COL3A1: variants seen among roughly 807,000 people sequenced by gnomAD.
The protein encoded by COL3A1 is collagen type III alpha 1 chain.
Under a neutral mutation model 200.9 loss-of-function variants are expected in COL3A1, and 46 were observed. The ratio of observed to expected loss-of-function variants is 0.23; its 90% CI spans 0.18 to 0.29. The LOEUF is 0.29. Among genes scored for constraint, COL3A1 ranks in the 10% least tolerant of loss-of-function variants. COL3A1 has a pLI of 1.00. For missense variants in COL3A1, 1,367 were observed against 1,917.6 expected (o/e 0.71, Z 5.36); for synonymous variants, 650 against 628.0 (o/e 1.03, Z -0.52).
chr2:189,007,492 T>C lies in COL3A1; in HGVS notation c.3256-8T>C, dbSNP rs2153503883. The C allele has an allele frequency of 6.2e-7, 1 of 1,609,164 alleles. No individual in the cohort carries two copies. Among genetic ancestry groups the C allele is most frequent in the Non-Finnish European group, 8.5e-7 (1 of 1,177,004 alleles). The stretch of plus-strand genomic sequence containing the variant: ...TATATGACTTCAATTCAAAATATGT[T>C]TCTAAAGGGTCCTCAAGGCCCACGT... On this transcript the variant is annotated splice_polypyrimidine_tract_variant and splice_region_variant and intron_variant, in intron 44 of 50. Coordinates refer to ENST00000304636, the MANE Select transcript of COL3A1 (RefSeq NM_000090.4).
At chr2:188,991,432 A>T (rs1045760046) in intron 11 of COL3A1, 55 bp from the exon 12 acceptor site, 5 of 1,161,326 alleles carry the variant, frequency 4.3e-6, no homozygotes, top group Admixed American at 4.1e-5. Flanking sequence ...ATTTAAAAAT[A>T]TATAATATTT....
At chr2:189,001,614 A>G in intron 34 of COL3A1, 25 bp downstream of exon 34, 1 of 1,607,620 alleles carries the variant, frequency 6.2e-7, no homozygotes, top group Non-Finnish European at 8.5e-7. Context: ...CATTCTCAAC[A>G]TACTTTTTAA....
Position 188,994,510 on chromosome 2 carries a change from G to A in COL3A1, c.1294-31G>A. ...ATGATTTGTTAGTCGAATCCTCCCT[G>A]TGTTTCAACCAAGACTTTGTTATAC... On this transcript the variant is annotated intron_variant, in intron 18 of 50. Transcript: ENST00000304636. The surrounding 1 kb of genome is among the most constrained non-coding windows in gnomAD (Gnocchi z 4.5). 1 of 1,612,578 alleles carries A rather than the reference G, an allele frequency of 6.2e-7. No individual in the cohort carries two copies. Among genetic ancestry groups the A allele is most frequent in the Non-Finnish European group, 8.5e-7 (1 of 1,178,658 alleles).
At chr2:188,992,328 TATATGC>T in intron 14 of COL3A1, 100 bp downstream of exon 14, 1 of 977,054 alleles carries the variant, frequency 1.0e-6, no homozygotes, top group East Asian at 2.6e-5. Context: ...TAGGTATATA[TATATGC>T]ATATGTATAT....
rs374452484 is a variant in COL3A1 at position 189,009,024 on chromosome 2, G to C, written c.3626G>C (p.Gly1209Ala). 1.3e-5 allele frequency: 21 copies of C among 1,614,060 alleles called. No homozygotes were observed. Among genetic ancestry groups the C allele is most frequent in the Non-Finnish European group, 1.7e-5 (20 of 1,180,042 alleles). Reference sequence around the variant, plus strand: ...GGAGCCGCTGCCATTGCTGGGATTGGAGGTGAAAAAGCTGGCGGTTTTGCC... The same window carrying C: ...GGAGCCGCTGCCATTGCTGGGATTGCAGGTGAAAAAGCTGGCGGTTTTGCC... ...GVGAAAIAGI[G>A]GEKAGGFAPY... is the part of the protein sequence containing the mutation. The change falls in exon 48 of 51, where the codon GGA (glycine) becomes GCA (alanine). Residue 1209 changes from glycine (G) to alanine (A), a missense_variant. Physicochemically the swap from Gly to Ala is moderately conservative, Grantham distance 60. Coordinates refer to ENST00000304636, the MANE Select transcript of COL3A1 (RefSeq NM_000090.4).
rs1310737234 is a variant in COL3A1, at chr2:188,994,910, C to A, written c.1455+79C>A. The stretch of plus-strand genomic sequence containing the variant: ...AAAACTACCTTCAGGGTGAGACAGC[C>A]AATTTTTCTTAAGTTGAGTGTTCAG... On this transcript the variant is annotated intron_variant, in intron 20 of 50. Transcript: ENST00000304636. The surrounding 1 kb of genome is among the most constrained non-coding windows in gnomAD (Gnocchi z 4.5). 1 of 1,565,528 alleles carries A rather than the reference C, an allele frequency of 6.4e-7. No individual in the cohort carries two copies. Among genetic ancestry groups the A allele is most frequent in the Non-Finnish European group, 8.8e-7 (1 of 1,136,820 alleles).
chr2:188,990,251 C>A, intron 9 of COL3A1, 56 bp from the exon 10 acceptor site: 2 of 1,578,688 alleles, frequency 1.3e-6, no homozygotes, highest in Admixed American at 3.4e-5. Context: ...TGTTTTACTA[C>A]TAGATTGTGA....
rs759991994 is a variant in COL3A1, at chr2:188,994,192, C to T, written c.1195-42C>T. The T allele has an allele frequency of 1.9e-6, 3 of 1,611,796 alleles. No individual in the cohort carries two copies. The highest frequency in any genetic ancestry group is 2.2e-5 in the South Asian group (2 of 91,024). ...TTTAAGTGAGATATTCATAAAAGAA[C>T]ATTCAAGTTCGGCTAATATAGTGTC... On this transcript the variant is annotated intron_variant, in intron 17 of 50. Coordinates refer to ENST00000304636, the MANE Select transcript of COL3A1 (RefSeq NM_000090.4). The surrounding 1 kb of genome is among the most constrained non-coding windows in gnomAD (Gnocchi z 4.5).
At chr2:189,006,497 C>T in intron 43 of COL3A1, 45 bp downstream of exon 43, 1 of 1,567,300 alleles carries the variant, frequency 6.4e-7, no homozygotes, top group Non-Finnish European at 8.8e-7. Context: ...CTATTTCCTT[C>T]AATAAAGACA....
At chr2:188,975,102 A>C (rs1687779804) in intron 1 of COL3A1, among the ~76,000 whole-genome samples, 1 of 152,232 alleles carries the variant, frequency 6.6e-6, no homozygotes, top group South Asian at 2.1e-4. Flanking sequence ...ACCTATAAAC[A>C]TTCTTCAAAG....
At position 188,985,685 on chromosome 2, in the gene COL3A1, G is replaced by T. The variant is rs1688051859; in HGVS notation, c.354G>T (p.Gly118=). ...KGDPGPPGIP[G]RNGDPGIPGQ... is the part of the protein sequence containing the mutation. ...TTTAGGGCCCTCCTGGTATTCCTGG[G>T]AGAAATGGTGACCCTGGTATTCCAG... The change falls in exon 4 of 51, where the codon GGG becomes GGT. Residue 118 remains glycine (G), a synonymous_variant. Transcript: ENST00000304636. The T allele has an allele frequency of 6.2e-7, 1 of 1,610,088 alleles. No individual in the cohort carries two copies. Among genetic ancestry groups the T allele is most frequent in the African/African-American group, 1.3e-5 (1 of 74,680 alleles).
At chr2:189,008,225 GAAAT>G (rs1358354674) in intron 47 of COL3A1, 83 bp downstream of exon 47, 6 of 1,179,124 alleles carry the variant, frequency 5.1e-6, no homozygotes, top group Non-Finnish European at 7.4e-6. Context: ...TGTTTAAATT[GAAAT>G]AGAGAGACGC....
At chr2:189,006,695 T>C (rs187061295) in intron 43 of COL3A1, among the ~76,000 whole-genome samples, 1 of 152,288 alleles carries the variant, frequency 6.6e-6, no homozygotes, top group Admixed American at 6.5e-5. Flanking sequence ...CAACTATCTA[T>C]ATGCTGGGTA....
At position 188,974,480 on chromosome 2, in the gene COL3A1, A is replaced by G. The variant is rs41272793; in HGVS notation, c.-10A>G. 3.7e-6 allele frequency: 6 copies of G among 1,610,450 alleles called. No individual in the cohort carries two copies. The Admixed American group carries it at 6.7e-5, about 18-fold the overall frequency. On this transcript the variant is annotated 5_prime_UTR_variant, in exon 1 of 51. Coordinates refer to ENST00000304636, the MANE Select transcript of COL3A1 (RefSeq NM_000090.4). ...TTTTGCACAAAGAGTCTCATGTCTG[A>G]TATTTAGACATGATGAGCTTTGTGC...
At chr2:189,009,844 A>T (rs1576473897) in intron 48 of COL3A1, among the ~76,000 whole-genome samples, 1 of 152,338 alleles carries the variant, frequency 6.6e-6, no homozygotes, top group East Asian at 1.9e-4. Context: ...TAGGTTAGAC[A>T]ACCAGCTTAT....
intron 48 of COL3A1, 111 bp from the exon 49 acceptor site, chr2:189,010,067 A>C: frequency 1.0e-6 from 1 of 990,024 alleles, no homozygotes; most frequent in Non-Finnish European, 1.6e-6. Context: ...TATACATAAA[A>C]TGCAGACACA....
chr2:188,978,790 A>G (rs56355765), intron 1 of COL3A1, among the ~76,000 whole-genome samples: 3,639 of 150,134 alleles, frequency 0.024, 61 homozygotes, highest in African/African-American at 0.044. Flanking sequence ...CATATAGTGT[A>G]AAAAAAAACT....
chr2:188,985,221 G>C lies in COL3A1; in HGVS notation c.307G>C (p.Gly103Arg). Residue 103 changes from glycine to arginine, a missense_variant, in exon 3 of 51, where the codon GGA becomes CGA. Coordinates refer to ENST00000304636, the MANE Select transcript of COL3A1 (RefSeq NM_000090.4). ...GCCTACTCGCCCTCCTAATGGTCAA[G>C]GACCTCAAGGCCCCAAGGGAGATCC... ...TAPTRPPNGQGPQGPKGDPGP... is the reference protein window; with the variant it reads ...TAPTRPPNGQRPQGPKGDPGP... The C allele has an allele frequency of 1.2e-6, 2 of 1,612,262 alleles. No homozygotes were observed. The highest frequency in any genetic ancestry group is 1.7e-6 in the Non-Finnish European group (2 of 1,178,646).
chr2:188,993,545 G>A, intron 16 of COL3A1, 86 bp downstream of exon 16: 1 of 1,164,960 alleles, frequency 8.6e-7, no homozygotes, highest in Non-Finnish European at 1.3e-6. Flanking sequence ...ATGAAAGCAT[G>A]TGCTTCAATA....
Sources: gnomAD v4.1 joint callset for allele counts (sites outside exome capture counted in the v4.1 genomes callset) on GRCh38, gnomAD v4.1.1 for gene constraint, Gnocchi (gnomAD v3.1) non-coding constraint, MANE v1.5 for transcripts, NCBI Gene and HGNC (gene_info 2026-07-23, HGNC 2026-07-21) for gene names.